The following FAT3 variants were observed in gnomAD, a reference collection of about 807,000 sequenced individuals.
FAT3 encodes protocadherin Fat 3.
A neutral mutation model predicts 310.2 loss-of-function variants in FAT3; 95 were observed. The ratio of observed to expected loss-of-function variants is 0.31; its 90% CI spans 0.26 to 0.36. FAT3 has a LOEUF of 0.36. FAT3 is among the 10% of genes least tolerant of loss of function. The pLI, the probability that FAT3 is intolerant of heterozygous loss-of-function variation, is 1.00. For synonymous variants in FAT3, 2,314 were observed against 2,192.9 expected (o/e 1.06, Z -1.54); for missense variants, 5,408 against 5,715.6 (o/e 0.95, Z 1.74).
chr11:92,670,211 G>A (rs959905595), intron 3 of FAT3, among the ~76,000 whole-genome samples: 12 of 152,204 alleles, frequency 7.9e-5, no homozygotes, highest in Admixed American at 7.2e-4. Flanking sequence ...TGAAGCACAG[G>A]CAGCCTCTTG....
chr11:92,853,321 AGGCACTTGC>A (rs1238471740), intron 19 of FAT3, among the ~76,000 whole-genome samples: 1 of 152,234 alleles, frequency 6.6e-6, no homozygotes, highest in Non-Finnish European at 1.5e-5. Context: ...CTTCTGCTGC[AGGCACTTGC>A]ATCCGGACAT....
rs544637635 is a variant in FAT3 at position 92,868,885 on chromosome 11, C to CA, written c.12127+1676_12127+1677insA. Among the ~76,000 whole-genome samples, 28 of 152,324 alleles carry CA rather than the reference C, an allele frequency of 1.8e-4. No individual in the cohort carries two copies. In the South Asian group the frequency reaches 5.6e-3, roughly 30 times the overall value. The stretch of plus-strand genomic sequence containing the variant: ...CCCACATGGGGAATAGCAATTTTCT[C>CA]TATTTTTAAATCTCTTCATTTAACC... On this transcript the variant is annotated intron_variant, in intron 22 of 27. Transcript: ENST00000525166.
intron 1 of FAT3, among the ~76,000 whole-genome samples, chr11:92,320,708 A>G (rs1947591668): frequency 6.6e-6 from 1 of 152,014 alleles, no homozygotes; most frequent in African/African-American, 2.4e-5. Context: ...TCTCTACTAA[A>G]TACAAAAAAA....
intron 1 of FAT3, among the ~76,000 whole-genome samples, chr11:92,339,318 C>A (rs556425107): frequency 1.3e-5 from 2 of 152,130 alleles, no homozygotes; most frequent in Admixed American, 1.3e-4. Context: ...TCAAAATTGC[C>A]CCTTACTCTA....
intron 1 of FAT3, among the ~76,000 whole-genome samples, chr11:92,279,552 A>T (rs1454733552): frequency 6.6e-6 from 1 of 152,184 alleles, no homozygotes; most frequent in Non-Finnish European, 1.5e-5. Flanking sequence ...AAAAAGAGGT[A>T]CTTTGTTCAT....
At chr11:92,762,231 A>G in intron 5 of FAT3, 61 bp downstream of exon 5, 1 of 1,468,956 alleles carries the variant, frequency 6.8e-7, no homozygotes, top group Non-Finnish European at 9.3e-7. Flanking sequence ...GTTCTTATTC[A>G]AGTATACTCC....
At chr11:92,607,418 T>A (rs992764112) in intron 3 of FAT3, among the ~76,000 whole-genome samples, 5 of 152,208 alleles carry the variant, frequency 3.3e-5, no homozygotes, top group African/African-American at 4.8e-5. Context: ...TTGATTTTTT[T>A]AAATGAACTT....
chr11:92,655,047 C>T (rs1326999929), intron 3 of FAT3, among the ~76,000 whole-genome samples: 1 of 152,166 alleles, frequency 6.6e-6, no homozygotes, highest in Non-Finnish European at 1.5e-5. Flanking sequence ...TTATTGCTTT[C>T]TGATAATTCA....
intron 2 of FAT3, among the ~76,000 whole-genome samples, chr11:92,377,569 C>T (rs1329737509): frequency 6.6e-6 from 1 of 152,158 alleles, no homozygotes; most frequent in Non-Finnish European, 1.5e-5. Flanking sequence ...TGAGCATGCC[C>T]AGGATGTGGT....
intron 4 of FAT3, among the ~76,000 whole-genome samples, chr11:92,721,702 A>G (rs1168305702): frequency 6.6e-6 from 1 of 152,166 alleles, no homozygotes; most frequent in Admixed American, 6.5e-5. Context: ...CTGCTGATAA[A>G]GACATAACTG....
At chr11:92,713,759 G>A (rs1792365) in intron 4 of FAT3, among the ~76,000 whole-genome samples, 88,503 of 152,058 alleles carry the variant, frequency 0.58, 27,792 homozygotes, top group African/African-American at 0.83. Flanking sequence ...TTGAAAATGC[G>A]TATTTTCCCA....
chr11:92,830,038 A>G (rs1329184268), intron 13 of FAT3, among the ~76,000 whole-genome samples: 5 of 152,190 alleles, frequency 3.3e-5, no homozygotes, highest in Non-Finnish European at 7.4e-5. Context: ...AAGAGCTTAT[A>G]TTCTATGGTT....
At chr11:92,625,539 C>G (rs762119174) in intron 3 of FAT3, among the ~76,000 whole-genome samples, 2 of 152,176 alleles carry the variant, frequency 1.3e-5, no homozygotes, top group African/African-American at 4.8e-5. Flanking sequence ...CTGGAGCACC[C>G]AACAAAGCTC....
At chr11:92,643,603 A>C (rs188686990) in intron 3 of FAT3, among the ~76,000 whole-genome samples, 1 of 152,224 alleles carries the variant, frequency 6.6e-6, no homozygotes, top group South Asian at 2.1e-4. Context: ...AAACTATAAA[A>C]ATGACTGTAC....
chr11:92,440,329 G>A (rs2135070586), intron 2 of FAT3, among the ~76,000 whole-genome samples: 1 of 152,346 alleles, frequency 6.6e-6, no homozygotes, highest in South Asian at 2.1e-4. Flanking sequence ...CTGTGGGCAA[G>A]TGGAGCCAGT....
At chr11:92,505,713 A>C (rs543703829) in intron 2 of FAT3, among the ~76,000 whole-genome samples, 55 of 152,246 alleles carry the variant, frequency 3.6e-4, no homozygotes, top group African/African-American at 1.3e-3. Context: ...ACTCATCACC[A>C]CATATAGGAC....
rs771247450 is a variant in FAT3 at position 92,355,283 on chromosome 11, C to G, written c.3171C>G (p.Arg1057=). 6.2e-7 allele frequency: 1 copy of G among 1,613,802 alleles called. No individual in the cohort carries two copies. The highest frequency in any genetic ancestry group is 1.7e-5 in the Admixed American group (1 of 59,932). ...TTGGATCTGTAAAGGAAAACTCACG[C>G]ATTGGAACAAGCGTGCTGCAGGTGA... ...AVVGSVKENS[R]IGTSVLQVTA... The change falls in exon 2 of 28, where the codon CGC becomes CGG. Residue 1057 remains arginine, a synonymous_variant. Coordinates refer to ENST00000525166, the MANE Select transcript of FAT3 (RefSeq NM_001367949.2).
In FAT3 at chr11:92,352,339, C is replaced by G. The variant is rs1366375056; in HGVS notation, c.227C>G (p.Ser76Cys). Residue 76 changes from serine to cysteine, a missense_variant, in exon 2 of 28, where the codon TCC becomes TGC. Ser to Cys is a moderately radical substitution (Grantham distance 112, BLOSUM62 -1). Coordinates refer to ENST00000525166, the MANE Select transcript of FAT3 (RefSeq NM_001367949.2). ...ATGGGCATCACCTTAATAGATCTAT[C>G]CTGGGATATCAAATACAGAATAGTG... ...SRMGITLIDL[S>C]WDIKYRIVSG... 8.2e-6 allele frequency: 13 copies of G among 1,579,684 alleles called. No individual in the cohort carries two copies. The highest frequency in any genetic ancestry group is 1.1e-5 in the Non-Finnish European group (13 of 1,158,764).
chr11:92,375,228 G>T (rs1471655052), intron 2 of FAT3, among the ~76,000 whole-genome samples: 7 of 151,940 alleles, frequency 4.6e-5, no homozygotes, highest in African/African-American at 7.3e-5. Context: ...CCAACTCCTG[G>T]GCTCAAGTGA....
Sources: allele counts gnomAD v4.1 joint callset (sites outside exome capture counted in the v4.1 genomes callset), GRCh38; gene constraint gnomAD v4.1.1; transcripts MANE v1.5; gene names NCBI Gene and HGNC (gene_info 2026-07-23, HGNC 2026-07-21).